Variants in RPS6KA1 observed in about 807,000 individuals in gnomAD.
RPS6KA1 encodes ribosomal protein S6 kinase A1.
RPS6KA1 carries 48 observed loss-of-function variants against 91.3 expected under a neutral mutation model. The ratio of observed to expected loss-of-function variants is 0.53; its 90% CI spans 0.42 to 0.67. The LOEUF (loss-of-function observed/expected upper bound fraction) is 0.67, where lower values mean the gene tolerates loss of function less well. Among genes scored for constraint, RPS6KA1 ranks in the 30% least tolerant of loss-of-function variants. The pLI is 0.00. For missense variants in RPS6KA1, 719 were observed against 960.5 expected (o/e 0.75, Z 3.32); for synonymous variants, 359 against 384.7 (o/e 0.93, Z 0.78).
intron 17 of RPS6KA1, among the ~76,000 whole-genome samples, chr1:26,569,146 G>A (rs2076228631): frequency 6.7e-6 from 1 of 150,278 alleles, no homozygotes; most frequent in Admixed American, 6.7e-5. Flanking sequence ...ATCCAAGATT[G>A]TGCTGCTGGC....
rs957597913 is a variant in RPS6KA1 at position 26,547,167 on chromosome 1, G to A, written c.226-22G>A. 6.2e-7 allele frequency: 1 copy of A among 1,613,200 alleles called. No homozygotes were observed. Among genetic ancestry groups the A allele is most frequent in the African/African-American group, 1.3e-5 (1 of 74,898 alleles). ...TCAGACCTCTCCCATCTTCTGCCCT[G>A]CTTCCTGCTCTGCCTTCTCAGGTCT... On this transcript the variant is annotated intron_variant, in intron 3 of 21. Coordinates refer to ENST00000374168, the MANE Select transcript of RPS6KA1 (RefSeq NM_002953.4). The surrounding 1 kb of genome is among the most constrained non-coding windows in gnomAD (Gnocchi z 4.1).
chr1:26,568,752 GA>G (rs1030284900), intron 17 of RPS6KA1, among the ~76,000 whole-genome samples: 6 of 151,870 alleles, frequency 4.0e-5, no homozygotes, highest in African/African-American at 1.2e-4. Context: ...CTCCATCTCA[GA>G]AAAATAAATT....
At chr1:26,573,989 C>T in intron 21 of RPS6KA1, 90 bp from the exon 22 acceptor site, 1 of 1,449,004 alleles carries the variant, frequency 6.9e-7, no homozygotes, top group East Asian at 2.3e-5. Flanking sequence ...CTGTGGAACA[C>T]TGAGAGGGGC....
rs767302257 is a variant in RPS6KA1 at position 26,556,686 on chromosome 1, C to T, written c.949C>T (p.Arg317Trp). ...CCCTGATGGGGCAGAGGAAATCAAG[C>T]GGCATGTCTTCTACTCCACCATTGA... The part of the protein sequence containing the change: ...SGPDGAEEIK[R>W]HVFYSTIDWN... The change falls in exon 12 of 22, where the codon CGG becomes TGG. Residue 317 changes from arginine to tryptophan, a missense_variant. Transcript: ENST00000374168. 16 of 1,614,062 alleles carry T rather than the reference C, an allele frequency of 9.9e-6. No individual in the cohort carries two copies. The highest frequency in any genetic ancestry group is 6.7e-5 in the Admixed American group (4 of 59,992).
At chr1:26,573,075 G>A (rs773910602) in intron 20 of RPS6KA1, 149 bp from the exon 21 acceptor site, 1 of 758,602 alleles carries the variant, frequency 1.3e-6, no homozygotes, top group African/African-American at 1.8e-5. Flanking sequence ...TGTGTGCGGG[G>A]AGCCCTGGAG....
In RPS6KA1 at chr1:26,560,758, C is replaced by A; in HGVS notation, c.1248C>A (p.Asp416Glu). 6.2e-7 allele frequency: 1 copy of A among 1,614,200 alleles called. No individual in the cohort carries two copies. The highest frequency in any genetic ancestry group is 8.5e-7 in the Non-Finnish European group (1 of 1,180,036). Residue 416 changes from aspartate to glutamate, a missense_variant, in exon 15 of 22, where the codon GAC becomes GAA. Asp to Glu is a conservative substitution (Grantham distance 45, BLOSUM62 2). Transcript: ENST00000374168. ...ATGGGAAGAACCTGGTTTTTAGTGA[C>A]GGCTACGTGGTAAAGGAGACAATTG... ...QLHGKNLVFSDGYVVKETIGV... is the reference protein window; with the variant it reads ...QLHGKNLVFSEGYVVKETIGV...
Position 26,539,515 on chromosome 1 carries a change from G to A in RPS6KA1, c.108+2546G>A, listed in dbSNP as rs186868898. ...CAAGTCATTTGCCTTGCTGAGGCTC[G>A]GGTTCTTTCCTGAAAAATGAAAGGA... On this transcript the variant is annotated intron_variant, in intron 2 of 21. Transcript: ENST00000374168. 6.0e-3 allele frequency among the ~76,000 whole-genome samples: 917 copies of A among 152,260 alleles called. 18 individuals are homozygous for A. The highest frequency in any genetic ancestry group is 5.1e-3 in the Non-Finnish European group (346 of 68,028).
At chr1:26,568,533 G>A (rs867998842) in intron 17 of RPS6KA1, among the ~76,000 whole-genome samples, 2 of 152,142 alleles carry the variant, frequency 1.3e-5, no homozygotes, top group Middle Eastern at 3.2e-3. Context: ...TGGATTGCCT[G>A]AGGTCAGCAG....
Position 26,558,422 on chromosome 1 carries a change from C to T in RPS6KA1, c.1085-385C>T, listed in dbSNP as rs546092810. On this transcript the variant is annotated intron_variant, in intron 13 of 21. Coordinates refer to ENST00000374168, the MANE Select transcript of RPS6KA1 (RefSeq NM_002953.4). This position sits in a 1 kb window ranked among gnomAD's most constrained non-coding sequence, Gnocchi z 4.0. ...AGCTGGACTTACTCCTGAAGGCAGA[C>T]GGGAACCTTTGAAAGGTGTGGGCAG... 2.0e-5 allele frequency among the ~76,000 whole-genome samples: 3 copies of T among 152,088 alleles called. No homozygotes were observed. The highest frequency in any genetic ancestry group is 4.8e-5 in the African/African-American group (2 of 41,392).
In RPS6KA1 at chr1:26,561,526, G is replaced by A. The variant is rs887965146; in HGVS notation, c.1453G>A (p.Val485Met). The A allele has an allele frequency of 1.8e-5, 29 of 1,614,026 alleles. No individual in the cohort carries two copies. The highest frequency in any genetic ancestry group is 1.3e-4 in the Admixed American group (8 of 60,000). ...LKDVYDDGKH[V>M]YLVTELMRGG... ...GCAGGTGTATGATGATGGCAAACAC[G>A]TGTACCTGGTGACAGAGCTGATGCG... is the stretch of plus-strand genomic sequence containing the variant. Residue 485 changes from valine (V) to methionine (M), a missense_variant, in exon 17 of 22, where the codon GTG becomes ATG. By Grantham distance (21) the Val-to-Met change is conservative. This residue lies in a region of RPS6KA1 where 249 missense variants were observed against 323.1 expected (regional missense o/e 0.77). Coordinates refer to ENST00000374168, the MANE Select transcript of RPS6KA1 (RefSeq NM_002953.4). This position sits in a 1 kb window ranked among gnomAD's most constrained non-coding sequence, Gnocchi z 5.7.
intron 2 of RPS6KA1, among the ~76,000 whole-genome samples, chr1:26,541,956 G>A (rs1036204220): frequency 3.3e-5 from 5 of 152,198 alleles, no homozygotes; most frequent in Admixed American, 6.5e-5. Flanking sequence ...GTCCCTATGC[G>A]GGGGATGGGG....
At position 26,530,930 on chromosome 1, in the gene RPS6KA1, TG is replaced by T. The variant is rs1035531335; in HGVS notation, c.63+952del. On this transcript the variant is annotated intron_variant, in intron 1 of 21. Coordinates refer to ENST00000374168, the MANE Select transcript of RPS6KA1 (RefSeq NM_002953.4). ...GATATTCTCCTTCCCAGGTGGTTGTTGGGGGTATGCAGGGAGGGAATGGAGA... is the reference window on the plus strand; with the variant it reads ...GATATTCTCCTTCCCAGGTGGTTGTTGGGGTATGCAGGGAGGGAATGGAGA... The T allele has an allele frequency of 4.1e-6, 5 of 1,219,268 alleles. No individual in the cohort carries two copies. In the African/African-American group the frequency reaches 7.8e-5, roughly 19 times the overall value. 75.5% of individuals were successfully genotyped at this position (1,219,268 alleles called of 1,614,324 possible).
intron 2 of RPS6KA1, among the ~76,000 whole-genome samples, chr1:26,537,967 G>A (rs2075918640): frequency 6.6e-6 from 1 of 152,212 alleles, no homozygotes; most frequent in African/African-American, 2.4e-5. Context: ...CTTCCTGCCA[G>A]TGACCCCACC....
chr1:26,544,743 G>A (rs992535020), intron 2 of RPS6KA1, among the ~76,000 whole-genome samples: 9 of 150,418 alleles, frequency 6.0e-5, no homozygotes, highest in African/African-American at 2.2e-4. Context: ...CAAAGTGCTG[G>A]GATTACAGGC....
At chr1:26,533,052 G>A (rs550300254) in intron 1 of RPS6KA1, among the ~76,000 whole-genome samples, 5 of 152,248 alleles carry the variant, frequency 3.3e-5, no homozygotes, top group East Asian at 3.9e-4. Flanking sequence ...ACCTGCCCTC[G>A]TGATACAGAT....
chr1:26,560,916 G>A, intron 15 of RPS6KA1, 65 bp downstream of exon 15: 1 of 1,611,304 alleles, frequency 6.2e-7, no homozygotes, highest in South Asian at 1.1e-5. Flanking sequence ...GTCTGGTGGG[G>A]AGGGATGGTG....
chr1:26,545,928 C>A, intron 2 of RPS6KA1: 1 of 1,591,378 alleles, frequency 6.3e-7, no homozygotes, highest in Non-Finnish European at 8.5e-7. Context: ...GCCGCCCCGT[C>A]TGCGGCTCTG....
chr1:26,556,761 C>T (rs2124645131), intron 12 of RPS6KA1, 43 bp downstream of exon 12: 1 of 1,604,978 alleles, frequency 6.2e-7, no homozygotes, highest in Non-Finnish European at 8.5e-7. Context: ...CAGGGCTCAG[C>T]CATCTTGGCC....
intron 11 of RPS6KA1, chr1:26,556,161 GTA>G: frequency 4.9e-6 from 1 of 204,038 alleles, no homozygotes. Context: ...ATGCCGGCAT[GTA>G]GTAGGTGTCC....
Sources: allele counts gnomAD v4.1 joint callset (sites outside exome capture counted in the v4.1 genomes callset), GRCh38; gene constraint gnomAD v4.1.1; regional missense constraint gnomAD v4.1.1; non-coding constraint Gnocchi (gnomAD v3.1); transcripts MANE v1.5; gene names NCBI Gene and HGNC (gene_info 2026-07-23, HGNC 2026-07-21).